The following C12orf42 variants were observed in gnomAD, a reference collection of about 807,000 sequenced individuals.
C12orf42 encodes chromosome 12 open reading frame 42.
Under a neutral mutation model 21.6 loss-of-function variants are expected in C12orf42, and 25 were observed. That is an observed-to-expected ratio of 1.16 (90% CI 0.84 to 1.62). The LOEUF (loss-of-function observed/expected upper bound fraction) is 1.62, where lower values mean the gene tolerates loss of function less well. Among genes scored for constraint, C12orf42 ranks in the 40% most tolerant of loss-of-function variants. The pLI is 0.00. For missense variants in C12orf42, 483 were observed against 459.3 expected, an observed-to-expected ratio of 1.05 and a Z score of -0.47; for synonymous variants, 174 against 175.0, an observed-to-expected ratio of 0.99 and a Z score of 0.05.
chr12:103,158,665 G>A, the C12orf42 span, among the ~76,000 whole-genome samples: 4 of 152,208 alleles, frequency 2.6e-5, no homozygotes, highest in Admixed American at 6.5e-5. Context: ...CTGATCATGA[G>A]GTCAGGAGTT....
chr12:103,413,892 T>C (rs896786102), intron 2 of C12orf42, among the ~76,000 whole-genome samples: 1 of 152,184 alleles, frequency 6.6e-6, no homozygotes, highest in Non-Finnish European at 1.5e-5. Flanking sequence ...ATAATTTTCT[T>C]TATCCACTCA....
chr12:103,061,827 G>C, the C12orf42 span, among the ~76,000 whole-genome samples: 1 of 151,250 alleles, frequency 6.6e-6, no homozygotes, highest in East Asian at 1.9e-4. Context: ...GAGGCATTTA[G>C]TACACATATA....
intron 4 of C12orf42, among the ~76,000 whole-genome samples, chr12:103,293,503 C>G (rs1322594492): frequency 2.0e-5 from 3 of 152,128 alleles, no homozygotes; most frequent in African/African-American, 4.8e-5. Flanking sequence ...ACTCCAAAAT[C>G]AAGTTCAAAT....
the C12orf42 span, among the ~76,000 whole-genome samples, chr12:103,230,613 G>C: frequency 5.3e-5 from 8 of 152,160 alleles, no homozygotes; most frequent in Non-Finnish European, 8.8e-5. Context: ...ATTTGACAAG[G>C]CCTCTTGTCT....
downstream of C12orf42, among the ~76,000 whole-genome samples, chr12:103,233,319 T>C (rs949847645): frequency 1.1e-4 from 16 of 152,180 alleles, no homozygotes; most frequent in Non-Finnish European, 2.1e-4. Context: ...TTTTTGCCTC[T>C]CCATATAAAC....
At chr12:103,120,109 A>T in the C12orf42 span, among the ~76,000 whole-genome samples, 1 of 152,236 alleles carries the variant, frequency 6.6e-6, no homozygotes, top group Non-Finnish European at 1.5e-5. Context: ...TCTTTTATGG[A>T]GCACCTGCTA....
chr12:103,206,087 C>T, the C12orf42 span, among the ~76,000 whole-genome samples: 2 of 152,196 alleles, frequency 1.3e-5, no homozygotes, highest in East Asian at 1.9e-4. Context: ...AGGCCACACC[C>T]TCTATCAGGG....
At chr12:103,208,893 A>T in the C12orf42 span, among the ~76,000 whole-genome samples, 4 of 152,198 alleles carry the variant, frequency 2.6e-5, no homozygotes, top group South Asian at 8.3e-4. Flanking sequence ...AGTGAGAAAG[A>T]CTTATCCTCA....
the C12orf42 span, among the ~76,000 whole-genome samples, chr12:103,190,569 G>A: frequency 9.9e-5 from 15 of 152,160 alleles, no homozygotes; most frequent in Admixed American, 9.8e-4. Flanking sequence ...TCATAAAAAA[G>A]AACAAAACAA....
At chr12:103,512,309 TGTGG>T in the C12orf42 span, among the ~76,000 whole-genome samples, 1 of 151,824 alleles carries the variant, frequency 6.6e-6, no homozygotes, top group South Asian at 2.1e-4. Context: ...GTGAAGGGTG[TGTGG>T]GTGGGTGGGG....
chr12:103,413,236 G>A (rs1175602387), intron 2 of C12orf42, among the ~76,000 whole-genome samples: 2 of 152,108 alleles, frequency 1.3e-5, no homozygotes, highest in Non-Finnish European at 2.9e-5. Context: ...TTCTTTGTCA[G>A]CCTTGTTAAA....
At chr12:103,260,522 A>G (rs574538114) in intron 10 of C12orf42, among the ~76,000 whole-genome samples, 1 of 152,358 alleles carries the variant, frequency 6.6e-6, no homozygotes, top group South Asian at 2.1e-4. Context: ...TTTTGTACTC[A>G]AGTGTTTCTT....
chr12:103,326,521 C>A (rs1052601113), intron 4 of C12orf42, among the ~76,000 whole-genome samples: 1 of 152,178 alleles, frequency 6.6e-6, no homozygotes, highest in East Asian at 1.9e-4. Context: ...CCCTTCCTAC[C>A]GCTCTACTTA....
At chr12:103,425,975 C>A (rs186452279) in intron 2 of C12orf42, among the ~76,000 whole-genome samples, 134 of 152,320 alleles carry the variant, frequency 8.8e-4, no homozygotes, top group East Asian at 4.2e-3. Flanking sequence ...GCATCAAAGA[C>A]CAAAGCTAGA....
At chr12:103,273,818 C>G (rs982206849) in intron 5 of C12orf42, 5 of 456,124 alleles carry the variant, frequency 1.1e-5, no homozygotes, top group Non-Finnish European at 2.2e-5. Context: ...TCTGAGTCAG[C>G]GTTAATATGT....
intron 1 of C12orf42, among the ~76,000 whole-genome samples, chr12:103,487,962 G>A (rs1020164999): frequency 7.9e-5 from 12 of 152,156 alleles, no homozygotes; most frequent in African/African-American, 2.2e-4. Context: ...TACATTTAAG[G>A]TTAATATTGT....
At chr12:103,484,925 A>G (rs1365891593) in intron 1 of C12orf42, among the ~76,000 whole-genome samples, 1 of 129,942 alleles carries the variant, frequency 7.7e-6, no homozygotes, top group Non-Finnish European at 1.5e-5. Context: ...GCTGGAGTGC[A>G]GTGGCACAAT....
At position 103,309,094 on chromosome 12, in the gene C12orf42, C is replaced by T. The variant is rs190884112; in HGVS notation, c.260-2749G>A. ...AAAAATAAATTTATGTTGCTTTAAG[C>T]CAGGTGGTTTGTGATACTTTCTTAT... On this transcript the variant is annotated intron_variant, in intron 4 of 5. Coordinates refer to ENST00000548883, the MANE Select transcript of C12orf42 (RefSeq NM_198521.5). 3.6e-4 allele frequency among the ~76,000 whole-genome samples: 55 copies of T among 152,258 alleles called. No homozygotes were observed. In the East Asian group the frequency reaches 0.01, roughly 28 times the overall value.
intron 4 of C12orf42, among the ~76,000 whole-genome samples, chr12:103,320,869 G>C (rs1333732732): frequency 6.6e-6 from 1 of 152,104 alleles, no homozygotes; most frequent in African/African-American, 2.4e-5. Context: ...CATTGTAACT[G>C]AATGTCTTAG....
Sources: gnomAD v4.1 joint callset for allele counts (sites outside exome capture counted in the v4.1 genomes callset) on GRCh38, gnomAD v4.1.1 for gene constraint, MANE v1.5 for transcripts, NCBI Gene and HGNC (gene_info 2026-07-23, HGNC 2026-07-21) for gene names.